Variants in FUCA2 observed in about 807,000 individuals in gnomAD.
The protein encoded by FUCA2 is alpha-L-fucosidase 2.
FUCA2 carries 41 observed loss-of-function variants against 52.6 expected under a neutral mutation model. The observed-to-expected ratio is 0.78, with a 90% CI of 0.61 to 1.01. FUCA2 has a LOEUF of 1.01. Ranked by LOEUF, FUCA2 falls within the 50% of genes least tolerant of loss-of-function variation. The pLI is 0.00. For missense variants in FUCA2, 507 were observed against 569.5 expected, an observed-to-expected ratio of 0.89 and a Z score of 1.12; for synonymous variants, 211 against 217.3, an observed-to-expected ratio of 0.97 and a Z score of 0.26.
At position 143,510,995 on chromosome 6, in the gene FUCA2, T is replaced by C. The variant is rs1032400739; in HGVS notation, c.224+416A>G. On this transcript the variant is annotated intron_variant, in intron 1 of 6. Transcript: ENST00000002165. The surrounding 1 kb of genome is among the most constrained non-coding windows in gnomAD (Gnocchi z 4.4). Reference sequence around the variant, plus strand: ...TGACTATGTTTTAACCATAACTTCATGGCAGAACGACTGTAAATTGGCAGG... The same window carrying C: ...TGACTATGTTTTAACCATAACTTCACGGCAGAACGACTGTAAATTGGCAGG... 3.9e-5 allele frequency among the ~76,000 whole-genome samples: 6 copies of C among 152,192 alleles called. No homozygotes were observed. Among genetic ancestry groups the C allele is most frequent in the African/African-American group, 1.2e-4 (5 of 41,430 alleles).
At position 143,495,579 on chromosome 6, in the gene FUCA2, A is replaced by G; in HGVS notation, c.*128T>C. On this transcript the variant is annotated 3_prime_UTR_variant, in exon 7 of 7. Coordinates refer to ENST00000002165, the MANE Select transcript of FUCA2 (RefSeq NM_032020.5). This position sits in a 1 kb window ranked among gnomAD's most constrained non-coding sequence, Gnocchi z 5.2. ...AAAAAATTTAGTGGGAAAAAGGGAA[A>G]GGGCTGAACTGCCAAAATAATTTTC... 2.1e-6 allele frequency: 2 copies of G among 930,424 alleles called. No homozygotes were observed. Among genetic ancestry groups the G allele is most frequent in the Non-Finnish European group, 3.0e-6 (2 of 665,060 alleles). The allele number at this position is 930,424 out of a possible 1,614,324, so 57.6% of individuals were successfully genotyped here. A position where few individuals can be genotyped will look rare whatever the true frequency, so the allele number is the denominator to read the frequency against.
chr6:143,503,928 C>G lies in FUCA2; in HGVS notation c.737G>C (p.Trp246Ser), dbSNP rs750095605. 3 of 1,612,118 alleles carry G rather than the reference C, an allele frequency of 1.9e-6. No homozygotes were observed. The highest frequency in any genetic ancestry group is 2.7e-5 in the African/African-American group (2 of 74,768). ...GCATACACACCTTTCATTATATAAC[C>G]AGGCCAAGAAGCCTGTGCTGTTCCA... is the stretch of plus-strand genomic sequence containing the variant. ...QYWNSTGFLA[W>S]LYNESPVRGT... The change falls in exon 3 of 7, where the codon TGG becomes TCG. Residue 246 changes from tryptophan (W) to serine (S), a missense_variant. Physicochemically the swap from Trp to Ser is radical, Grantham distance 177 (BLOSUM62 -3). Transcript: ENST00000002165. The surrounding 1 kb of genome is among the most constrained non-coding windows in gnomAD (Gnocchi z 4.8).
At position 143,502,487 on chromosome 6, in the gene FUCA2, G is replaced by A. The variant is rs773786894; in HGVS notation, c.831C>T (p.Cys277=). ...SICKHGGFYT[C]SDRYNPGHLL... is the part of the protein sequence containing the mutation. ...GATGTCCTGGGTTATAACGATCACT[G>A]CAGGTATAGAAGCCACCATGCTTAC... Residue 277 remains cysteine (C), a synonymous_variant, in exon 4 of 7, where the codon TGC becomes TGT. Coordinates refer to ENST00000002165, the MANE Select transcript of FUCA2 (RefSeq NM_032020.5). The surrounding 1 kb of genome is among the most constrained non-coding windows in gnomAD (Gnocchi z 4.1). The A allele has an allele frequency of 6.2e-7, 1 of 1,613,972 alleles. No homozygotes were observed. Among genetic ancestry groups the A allele is most frequent in the African/African-American group, 1.3e-5 (1 of 74,914 alleles).
At chr6:143,498,954 G>A (rs1044906937) in intron 5 of FUCA2, among the ~76,000 whole-genome samples, 2 of 148,378 alleles carry the variant, frequency 1.3e-5, no homozygotes, top group African/African-American at 4.9e-5. Context: ...ATCTGCTAAT[G>A]GGTTGGCTGT....
At position 143,510,897 on chromosome 6, in the gene FUCA2, A is replaced by G. The variant is rs1248642105; in HGVS notation, c.224+514T>C. Among the ~76,000 whole-genome samples, 1 of 152,174 alleles carries G rather than the reference A, an allele frequency of 6.6e-6. No individual in the cohort carries two copies. The highest frequency in any genetic ancestry group is 1.5e-5 in the Non-Finnish European group (1 of 68,024). ...TCTAGAACCTCTTTAAAAAGTTCCT[A>G]GAGCCACACATGGGTAACATGTTAA... On this transcript the variant is annotated intron_variant, in intron 1 of 6. Transcript: ENST00000002165. This position sits in a 1 kb window ranked among gnomAD's most constrained non-coding sequence, Gnocchi z 4.4.
In FUCA2 at chr6:143,510,544, C is replaced by T. The variant is rs886817457; in HGVS notation, c.224+867G>A. On this transcript the variant is annotated intron_variant, in intron 1 of 6. Transcript: ENST00000002165. This position sits in a 1 kb window ranked among gnomAD's most constrained non-coding sequence, Gnocchi z 4.4. ...GTCCCAGCTACTCAGGAGGCTAAGGCGCGAGAATCGTTTGAACCCGGGCGG... is the reference window on the plus strand; with the variant it reads ...GTCCCAGCTACTCAGGAGGCTAAGGTGCGAGAATCGTTTGAACCCGGGCGG... Among the ~76,000 whole-genome samples the T allele has an allele frequency of 1.3e-5, 2 of 151,204 alleles. No individual in the cohort carries two copies. Among genetic ancestry groups the T allele is most frequent in the African/African-American group, 2.4e-5 (1 of 41,098 alleles).
In FUCA2 at chr6:143,502,579, T is replaced by G. The variant is rs368459684; in HGVS notation, c.753-14A>C. On this transcript the variant is annotated splice_polypyrimidine_tract_variant and intron_variant, in intron 3 of 6. Coordinates refer to ENST00000002165, the MANE Select transcript of FUCA2 (RefSeq NM_032020.5). This position sits in a 1 kb window ranked among gnomAD's most constrained non-coding sequence, Gnocchi z 4.1. ...CCCCGAACTGGGCTGAAATGAAACA[T>G]ACAATTTTTTAAAACAAAAGGTATA... The G allele has an allele frequency of 1.3e-6, 2 of 1,597,804 alleles. No individual in the cohort carries two copies. Among genetic ancestry groups the G allele is most frequent in the Admixed American group, 3.6e-5 (2 of 56,080 alleles).
chr6:143,498,360 G>A (rs971167172), intron 5 of FUCA2, among the ~76,000 whole-genome samples: 1 of 152,202 alleles, frequency 6.6e-6, no homozygotes, highest in South Asian at 2.1e-4. Context: ...TAAATGCTAT[G>A]GAGAAAACAA....
rs80251319 is a variant in FUCA2, at chr6:143,504,278, G to T, written c.413-26C>A. 521 of 1,567,688 alleles carry T rather than the reference G, an allele frequency of 3.3e-4. No individual in the cohort carries two copies. The African/African-American group carries it at 6.2e-3, about 19-fold the overall frequency. ...CTAGAAAATTATAGTGAAAACCCTT[G>T]TAAGCATGTCAACTTTATTTTAGTA... On this transcript the variant is annotated intron_variant, in intron 2 of 6. Transcript: ENST00000002165. This position sits in a 1 kb window ranked among gnomAD's most constrained non-coding sequence, Gnocchi z 4.4.
rs1344482100 is a variant in FUCA2, at chr6:143,499,089, A to G, written c.1155-1592T>C. Among the ~76,000 whole-genome samples, 1 of 152,218 alleles carries G rather than the reference A, an allele frequency of 6.6e-6. No individual in the cohort carries two copies. Among genetic ancestry groups the G allele is most frequent in the Non-Finnish European group, 1.5e-5 (1 of 68,032 alleles). Reference sequence around the variant, plus strand: ...TGGAGCTAGTTGATAGCAAAATTTTAAAACTCAGGATTTCAGTTTTGGATG... The same window carrying G: ...TGGAGCTAGTTGATAGCAAAATTTTGAAACTCAGGATTTCAGTTTTGGATG... On this transcript the variant is annotated intron_variant, in intron 5 of 6. Coordinates refer to ENST00000002165, the MANE Select transcript of FUCA2 (RefSeq NM_032020.5). This position sits in a 1 kb window ranked among gnomAD's most constrained non-coding sequence, Gnocchi z 6.0.
Position 143,504,302 on chromosome 6 carries a change from T to A in FUCA2, c.413-50A>T, listed in dbSNP as rs774332258. On this transcript the variant is annotated intron_variant, in intron 2 of 6. Transcript: ENST00000002165. The surrounding 1 kb of genome is among the most constrained non-coding windows in gnomAD (Gnocchi z 4.4). The stretch of plus-strand genomic sequence containing the variant: ...TGTAAGCATGTCAACTTTATTTTAG[T>A]AAATTTCAACCCACACAAATGCCCA... 60 of 1,492,078 alleles carry A rather than the reference T, an allele frequency of 4.0e-5. No individual in the cohort carries two copies. The highest frequency in any genetic ancestry group is 5.2e-5 in the Non-Finnish European group (57 of 1,097,520). The allele number at this position is 1,492,078 out of a possible 1,614,324, so 92.4% of individuals were successfully genotyped here. A position where few individuals can be genotyped will look rare whatever the true frequency, so the allele number is the denominator to read the frequency against.
At chr6:143,496,473 CTG>C (rs1275050924) in intron 6 of FUCA2, 1 of 152,106 alleles carries the variant, frequency 6.6e-6, no homozygotes, top group African/African-American at 2.4e-5. Flanking sequence ...GGCTACTAAG[CTG>C]TAATTAAACA....
chr6:143,508,309 A>G (rs1166851415), intron 1 of FUCA2, among the ~76,000 whole-genome samples: 8 of 152,272 alleles, frequency 5.3e-5, no homozygotes, highest in Admixed American at 2.6e-4. Flanking sequence ...AGATAAACAC[A>G]GCAGTAACTA....
rs577362189 is a variant in FUCA2, at chr6:143,500,674, G to T, written c.1154+1258C>A. Among the ~76,000 whole-genome samples, 2 of 152,290 alleles carry T rather than the reference G, an allele frequency of 1.3e-5. No homozygotes were observed. Among genetic ancestry groups the T allele is most frequent in the South Asian group, 2.1e-4 (1 of 4,828 alleles). ...GTATATTGATAATGCAAAGGAACAG[G>T]TAACAAAGGTCAAGCGGACAAGACC... On this transcript the variant is annotated intron_variant, in intron 5 of 6. Transcript: ENST00000002165. This position sits in a 1 kb window ranked among gnomAD's most constrained non-coding sequence, Gnocchi z 6.9.
chr6:143,510,726 C>A lies in FUCA2; in HGVS notation c.224+685G>T, dbSNP rs1293506102. 1.4e-4 allele frequency among the ~76,000 whole-genome samples: 21 copies of A among 151,440 alleles called. No individual in the cohort carries two copies. The highest frequency in any genetic ancestry group is 1.4e-3 in the Admixed American group (21 of 15,244). On this transcript the variant is annotated intron_variant, in intron 1 of 6. Coordinates refer to ENST00000002165, the MANE Select transcript of FUCA2 (RefSeq NM_032020.5). The surrounding 1 kb of genome is among the most constrained non-coding windows in gnomAD (Gnocchi z 4.4). ...GTTTTGAAGGACTTAATACTTGTAG[C>A]ATTTAGTCAGAAAAGACATGTGCAA... is the stretch of plus-strand genomic sequence containing the variant.
At chr6:143,506,880 A>G in intron 2 of FUCA2, 1 of 247,310 alleles carries the variant, frequency 4.0e-6, no homozygotes, top group Non-Finnish European at 7.7e-6. Context: ...ATGCATTCAC[A>G]GGATGCATTA....
chr6:143,504,121 A>G lies in FUCA2; in HGVS notation c.544T>C (p.Ser182Pro). The G allele has an allele frequency of 6.2e-7, 1 of 1,614,126 alleles. No individual in the cohort carries two copies. Residue 182 changes from serine (S) to proline (P), a missense_variant, in exon 3 of 7, where the codon TCC becomes CCC. Coordinates refer to ENST00000002165, the MANE Select transcript of FUCA2 (RefSeq NM_032020.5). The surrounding 1 kb of genome is among the most constrained non-coding windows in gnomAD (Gnocchi z 4.4). ...AGCGGATGAAACCATTCAAAAAGGG[A>G]ATAGTACAGTCCAAAACGCAGGTCA... ...RTDLRFGLYY[S>P]LFEWFHPLFL... is the part of the protein sequence containing the mutation.
In FUCA2 at chr6:143,500,142, G is replaced by A. The variant is rs764346376; in HGVS notation, c.1154+1790C>T. ...GATCTGTATTTAAAGTTGATGTTCC[G>A]TCAAGTGAGTATGGCAGAGGGAGCA... On this transcript the variant is annotated intron_variant, in intron 5 of 6. Coordinates refer to ENST00000002165, the MANE Select transcript of FUCA2 (RefSeq NM_032020.5). The surrounding 1 kb of genome is among the most constrained non-coding windows in gnomAD (Gnocchi z 6.9). 3.3e-5 allele frequency among the ~76,000 whole-genome samples: 5 copies of A among 152,096 alleles called. No individual in the cohort carries two copies. The highest frequency in any genetic ancestry group is 6.6e-5 in the Admixed American group (1 of 15,258).
rs752290485 is a variant in FUCA2, at chr6:143,495,841, G to A, written c.1270C>T (p.Leu424=). ...TTAAGTGGCTGTCCATGGCCCAGTAGTTTCACCTGAAATTAAAAACATACA... is the reference window on the plus strand; with the variant it reads ...TTAAGTGGCTGTCCATGGCCCAGTAATTTCACCTGAAATTAAAAACATACA... ...KAILGATEVK[L]LGHGQPLNWI... is the part of the protein sequence containing the mutation. Residue 424 remains leucine (L), a synonymous_variant, in exon 7 of 7, where the codon CTA becomes TTA. Coordinates refer to ENST00000002165, the MANE Select transcript of FUCA2 (RefSeq NM_032020.5). The surrounding 1 kb of genome is among the most constrained non-coding windows in gnomAD (Gnocchi z 5.2). 1.2e-6 allele frequency: 2 copies of A among 1,613,578 alleles called. No homozygotes were observed. The highest frequency in any genetic ancestry group is 4.5e-5 in the East Asian group (2 of 44,866).
Sources: gnomAD v4.1 joint callset for allele counts (sites outside exome capture counted in the v4.1 genomes callset) on GRCh38, gnomAD v4.1.1 for gene constraint, Gnocchi (gnomAD v3.1) non-coding constraint, MANE v1.5 for transcripts, NCBI Gene and HGNC (gene_info 2026-07-23, HGNC 2026-07-21) for gene names.